ABCA13: variants seen among roughly 807,000 people sequenced by gnomAD.
The protein encoded by ABCA13 is ATP-binding cassette sub-family A member 13.
ABCA13 carries 476 observed loss-of-function variants against 478.7 expected under a neutral mutation model. That is an observed-to-expected ratio of 0.99 (90% CI 0.92 to 1.07). ABCA13 has a LOEUF of 1.07. Ranked by LOEUF, ABCA13 falls within the 50% of genes least tolerant of loss-of-function variation. The pLI is 0.00. For synonymous variants in ABCA13, 2,252 were observed against 2,158.9 expected, an observed-to-expected ratio of 1.04 and a Z score of -1.20; for missense variants, 6,060 against 5,910.6, an observed-to-expected ratio of 1.03 and a Z score of -0.83.
intron 35 of ABCA13, among the ~76,000 whole-genome samples, chr7:48,384,450 C>T (rs549124245): frequency 3.3e-5 from 5 of 152,216 alleles, no homozygotes; most frequent in African/African-American, 7.2e-5. Flanking sequence ...ATCAGCTGCG[C>T]GTCACTGGGC....
intron 56 of ABCA13, 102 bp downstream of exon 56, chr7:48,580,476 A>G: frequency 1.8e-6 from 2 of 1,141,230 alleles, no homozygotes; most frequent in Non-Finnish European, 2.5e-6. Context: ...AGGAGAAGGA[A>G]CTGTAGTATC....
intron 45 of ABCA13, among the ~76,000 whole-genome samples, chr7:48,479,436 T>G (rs1828528498): frequency 1.3e-5 from 2 of 151,938 alleles, no homozygotes; most frequent in Non-Finnish European, 2.9e-5. Context: ...TGGGGTTTCA[T>G]CATGTTGCCT....
At chr7:48,498,228 T>C (rs947347127) in intron 48 of ABCA13, among the ~76,000 whole-genome samples, 1 of 152,090 alleles carries the variant, frequency 6.6e-6, no homozygotes, top group African/African-American at 2.4e-5. Flanking sequence ...GTTTTGCTGG[T>C]GGTGTTTGCC....
At chr7:48,214,615 C>T (rs575084032) in intron 3 of ABCA13, among the ~76,000 whole-genome samples, 1 of 152,314 alleles carries the variant, frequency 6.6e-6, no homozygotes, top group African/African-American at 2.4e-5. Flanking sequence ...TATATCAATG[C>T]TTACATCTTC....
In ABCA13 at chr7:48,387,966, A is replaced by G. The variant is rs1243956933; in HGVS notation, c.11473+7A>G. ...GAGAACTTTGACAATAAAGGTTTGT[A>G]AGGAGTAGAATTATTAGATGCATGT... On this transcript the variant is annotated splice_region_variant and intron_variant, in intron 36 of 61. Transcript: ENST00000435803. 1.3e-6 allele frequency: 2 copies of G among 1,596,232 alleles called. No individual in the cohort carries two copies. The highest frequency in any genetic ancestry group is 1.1e-5 in the South Asian group (1 of 87,164).
intron 43 of ABCA13, among the ~76,000 whole-genome samples, chr7:48,457,149 G>T (rs532136942): frequency 6.6e-6 from 1 of 151,996 alleles, no homozygotes; most frequent in Admixed American, 6.6e-5. Context: ...TAAAAGTTTT[G>T]ATAGTTCAGA....
intron 15 of ABCA13, 71 bp from the exon 16 acceptor site, chr7:48,268,909 A>C (rs1795230041): frequency 1.6e-6 from 1 of 626,208 alleles, no homozygotes; most frequent in Admixed American, 3.7e-5. Flanking sequence ...CTACTCTAGC[A>C]TTTTTCACTT....
At chr7:48,643,982 T>C (rs1204303674) in intron 60 of ABCA13, among the ~76,000 whole-genome samples, 1 of 152,148 alleles carries the variant, frequency 6.6e-6, no homozygotes, top group Non-Finnish European at 1.5e-5. Flanking sequence ...TCTAAAAATC[T>C]CTTGGATAAC....
chr7:48,181,303 C>T (rs1469352600), intron 1 of ABCA13, among the ~76,000 whole-genome samples: 3 of 152,166 alleles, frequency 2.0e-5, no homozygotes, highest in African/African-American at 4.8e-5. Flanking sequence ...CTGGTGATTA[C>T]GTGCATGACA....
chr7:48,276,934 AG>A (rs772998902), intron 17 of ABCA13, among the ~76,000 whole-genome samples: 9 of 152,220 alleles, frequency 5.9e-5, no homozygotes, highest in Non-Finnish European at 1.5e-5. Flanking sequence ...ATCACCAACT[AG>A]GGGCTTAAGT....
intron 42 of ABCA13, among the ~76,000 whole-genome samples, chr7:48,440,955 T>C (rs1823507335): frequency 6.6e-6 from 1 of 152,202 alleles, no homozygotes; most frequent in Non-Finnish European, 1.5e-5. Context: ...CATAAAAATG[T>C]AATTTTAGTT....
At chr7:48,384,471 G>C (rs1349940413) in intron 35 of ABCA13, among the ~76,000 whole-genome samples, 3 of 152,222 alleles carry the variant, frequency 2.0e-5, no homozygotes, top group East Asian at 3.9e-4. Flanking sequence ...AACCCTTGCT[G>C]TTCCTCCTTT....
At chr7:48,512,629 T>C (rs1831789673) in intron 51 of ABCA13, among the ~76,000 whole-genome samples, 2 of 152,146 alleles carry the variant, frequency 1.3e-5, no homozygotes, top group Non-Finnish European at 2.9e-5. Context: ...TTTAGGAGAG[T>C]ATATCTCAAA....
intron 48 of ABCA13, among the ~76,000 whole-genome samples, chr7:48,490,358 T>C (rs538555414): frequency 1.3e-5 from 2 of 152,366 alleles, no homozygotes; most frequent in South Asian, 4.1e-4. Context: ...TTTTGTAAGA[T>C]AGACAATATT....
chr7:48,320,878 C>G (rs919105240), intron 27 of ABCA13, among the ~76,000 whole-genome samples: 3 of 152,204 alleles, frequency 2.0e-5, no homozygotes, highest in African/African-American at 7.2e-5. Flanking sequence ...CACTCAGTGT[C>G]CTCCTTTGTG....
rs2129075596 is a variant in ABCA13 at position 48,403,896 on chromosome 7, A to G, written c.12070+17A>G. 1.2e-6 allele frequency: 2 copies of G among 1,606,888 alleles called. No individual in the cohort carries two copies. The highest frequency in any genetic ancestry group is 2.2e-5 in the South Asian group (2 of 89,564). On this transcript the variant is annotated intron_variant, in intron 39 of 61. Transcript: ENST00000435803. ...ACCGAGAAGGTAGGCACTGGGCCTC[A>G]TTCTGCCTTCTCTTCCCACAATATT... is the stretch of plus-strand genomic sequence containing the variant.
intron 45 of ABCA13, among the ~76,000 whole-genome samples, chr7:48,472,550 A>G (rs1421641936): frequency 6.6e-6 from 1 of 152,220 alleles, no homozygotes; most frequent in East Asian, 1.9e-4. Flanking sequence ...AAGGAAGTCA[A>G]GGATGTGGAC....
At chr7:48,517,792 C>T (rs1029052402) in intron 52 of ABCA13, among the ~76,000 whole-genome samples, 1 of 152,200 alleles carries the variant, frequency 6.6e-6, no homozygotes, top group Admixed American at 6.5e-5. Flanking sequence ...TATATGGAGT[C>T]TGATTCCTCA....
intron 5 of ABCA13, among the ~76,000 whole-genome samples, chr7:48,224,481 A>G (rs1460519496): frequency 6.6e-6 from 1 of 152,132 alleles, no homozygotes; most frequent in Non-Finnish European, 1.5e-5. Context: ...TGATGGCTGC[A>G]TTGACTTTTC....
Sources: gnomAD v4.1 joint callset for allele counts (sites outside exome capture counted in the v4.1 genomes callset) on GRCh38, gnomAD v4.1.1 for gene constraint, MANE v1.5 for transcripts, NCBI Gene and HGNC (gene_info 2026-07-23, HGNC 2026-07-21) for gene names.